Variants in GREB1 observed in about 807,000 individuals in gnomAD.
The protein encoded by GREB1 is growth regulating estrogen receptor binding 1, also known as protein GREB1.
Under a neutral mutation model 200.7 loss-of-function variants are expected in GREB1, and 106 were observed. The ratio of observed to expected loss-of-function variants is 0.53; its 90% CI spans 0.45 to 0.62. GREB1 has a LOEUF of 0.62. Ranked by LOEUF, GREB1 falls within the 20% of genes least tolerant of loss-of-function variation. The pLI is 0.00. For missense variants in GREB1, 2,243 were observed against 2,556.8 expected (o/e 0.88, Z 2.65); for synonymous variants, 1,132 against 1,092.4 (o/e 1.04, Z -0.72).
chr2:11,549,862 T>C (rs1263135020), intron 1 of GREB1, among the ~76,000 whole-genome samples: 1 of 152,242 alleles, frequency 6.6e-6, no homozygotes, highest in Non-Finnish European at 1.5e-5. Flanking sequence ...TTAAGGATTT[T>C]CTCAAAAGCC....
chr2:11,503,157 A>C (rs1427426138), intron 1 of GREB1, among the ~76,000 whole-genome samples: 1 of 152,180 alleles, frequency 6.6e-6, no homozygotes, highest in Non-Finnish European at 1.5e-5. Context: ...CCCAGACAGT[A>C]AAAAGAAAGA....
In GREB1 at chr2:11,633,379, G is replaced by A. The variant is rs1312382957; in HGVS notation, c.4991+316G>A. ...AGATCGAGACCATCCTGGCTAACAC[G>A]GTGAAACCCTGTCTCTACTAAAAAT... On this transcript the variant is annotated intron_variant, in intron 28 of 32. Coordinates refer to ENST00000381486, the MANE Select transcript of GREB1 (RefSeq NM_014668.4). The surrounding 1 kb of genome is among the most constrained non-coding windows in gnomAD (Gnocchi z 4.1). Among the ~76,000 whole-genome samples, 16 of 152,072 alleles carry A rather than the reference G, an allele frequency of 1.1e-4. No homozygotes were observed. The highest frequency in any genetic ancestry group is 2.9e-4 in the African/African-American group (12 of 41,486).
chr2:11,639,633 C>T (rs184080553), intron 32 of GREB1, among the ~76,000 whole-genome samples: 7 of 152,380 alleles, frequency 4.6e-5, no homozygotes, highest in Non-Finnish European at 7.3e-5. Context: ...CTGACCTTCG[C>T]TTTCCTTGGT....
At chr2:11,564,438 G>A (rs1003910636) in intron 3 of GREB1, among the ~76,000 whole-genome samples, 12 of 152,174 alleles carry the variant, frequency 7.9e-5, no homozygotes, top group Admixed American at 4.6e-4. Context: ...CCCAGCTACC[G>A]GGAGGCTGAG....
chr2:11,530,676 G>C (rs1674042706), upstream of GREB1, among the ~76,000 whole-genome samples: 1 of 151,776 alleles, frequency 6.6e-6, no homozygotes, highest in African/African-American at 2.4e-5. Flanking sequence ...TTAATGGGGG[G>C]CAGGGATGGA....
At chr2:11,582,468 C>A (rs925169611) in intron 7 of GREB1, among the ~76,000 whole-genome samples, 4 of 152,224 alleles carry the variant, frequency 2.6e-5, no homozygotes, top group Admixed American at 2.6e-4. Context: ...GCCTGCGTCC[C>A]GGCTCTGGGC....
chr2:11,491,224 G>T (rs77603757), intron 1 of GREB1, among the ~76,000 whole-genome samples: 2,273 of 152,274 alleles, frequency 0.015, 61 homozygotes, highest in African/African-American at 0.052. Context: ...GTACAGCACT[G>T]TCTTAATAAT....
Position 11,598,716 on chromosome 2 carries a change from T to C in GREB1, c.2189T>C (p.Met730Thr). 1 of 1,614,190 alleles carries C rather than the reference T, an allele frequency of 6.2e-7. No individual in the cohort carries two copies. The highest frequency in any genetic ancestry group is 8.5e-7 in the Non-Finnish European group (1 of 1,180,042). ...LLELGLKKEH[M>T]TKQRVEQYVL... ...GAGCTTGGTCTGAAGAAAGAGCACA[T>C]GACGAAGCAGAGGGTGGAACAGTAT... is the stretch of plus-strand genomic sequence containing the variant. The change falls in exon 15 of 33, where the codon ATG becomes ACG. Residue 730 changes from methionine to threonine, a missense_variant. Transcript: ENST00000381486.
chr2:11,532,743 C>T (rs555591770), upstream of GREB1, among the ~76,000 whole-genome samples: 55 of 152,226 alleles, frequency 3.6e-4, no homozygotes, highest in Non-Finnish European at 6.2e-4. Context: ...TGTGCTTGTC[C>T]CCACTAGCGC....
chr2:11,611,083 G>A, intron 18 of GREB1, 56 bp downstream of exon 18: 3 of 1,397,858 alleles, frequency 2.1e-6, no homozygotes, highest in Non-Finnish European at 1.9e-6. Flanking sequence ...GGAGAGCTGA[G>A]GGGCCCACCA....
chr2:11,536,717 GCT>G (rs1034491276), intron 1 of GREB1, among the ~76,000 whole-genome samples: 1 of 152,180 alleles, frequency 6.6e-6, no homozygotes, highest in African/African-American at 2.4e-5. Flanking sequence ...CTGGAGGTGA[GCT>G]CTCTCCTCTT....
At chr2:11,570,396 T>C (rs1439398831) in intron 4 of GREB1, among the ~76,000 whole-genome samples, 3 of 130,150 alleles carry the variant, frequency 2.3e-5, no homozygotes, top group Non-Finnish European at 4.5e-5. Flanking sequence ...AGAGTGAAAC[T>C]CCATTAAAAA....
chr2:11,638,009 C>T (rs998821735), intron 31 of GREB1, 93 bp downstream of exon 31: 3 of 1,096,718 alleles, frequency 2.7e-6, no homozygotes, highest in African/African-American at 1.5e-5. Context: ...CCTAAGTCCT[C>T]AACTCCTTCG....
intron 1 of GREB1, among the ~76,000 whole-genome samples, chr2:11,487,459 G>A (rs147799151): frequency 3.0e-3 from 463 of 152,136 alleles, no homozygotes; most frequent in Middle Eastern, 6.8e-3. Context: ...TCTTAATTTT[G>A]TCTGCATCCC....
intron 23 of GREB1, among the ~76,000 whole-genome samples, chr2:11,624,091 A>G (rs527996156): frequency 6.6e-6 from 1 of 152,312 alleles, no homozygotes; most frequent in East Asian, 1.9e-4. Context: ...GCTAAGGTTA[A>G]CTTATTAATG....
chr2:11,596,098 C>T lies in GREB1; in HGVS notation c.1826-13C>T, dbSNP rs543987462. On this transcript the variant is annotated splice_polypyrimidine_tract_variant and intron_variant, in intron 12 of 32. Coordinates refer to ENST00000381486, the MANE Select transcript of GREB1 (RefSeq NM_014668.4). The stretch of plus-strand genomic sequence containing the variant: ...GACATCAAAAACCCATTTGTTTATT[C>T]TGTCTTGGGCAGAGGGTGACATTGA... The T allele has an allele frequency of 6.8e-6, 11 of 1,608,486 alleles. No individual in the cohort carries two copies. The East Asian group carries it at 2.5e-4, about 36-fold the overall frequency.
chr2:11,536,031 C>A (rs752806788), intron 1 of GREB1, among the ~76,000 whole-genome samples: 1 of 152,228 alleles, frequency 6.6e-6, no homozygotes, highest in African/African-American at 2.4e-5. Context: ...GTTCTCTGCT[C>A]TCCTGGGGAT....
At chr2:11,533,531 ACT>A (rs1255230704), upstream of GREB1, among the ~76,000 whole-genome samples, 2 of 152,142 alleles carry the variant, frequency 1.3e-5, no homozygotes, top group Non-Finnish European at 2.9e-5. Context: ...CGTCCCTGAG[ACT>A]CTGTAAACAG....
In GREB1 at chr2:11,640,586, C is replaced by A; in HGVS notation, c.*132C>A. Reference sequence around the variant, plus strand: ...AGGGACTGTCCAGGTGCAGCCCCTCCTAGTACACATGGGCCCCCGAGGCCG... The same window carrying A: ...AGGGACTGTCCAGGTGCAGCCCCTCATAGTACACATGGGCCCCCGAGGCCG... On this transcript the variant is annotated 3_prime_UTR_variant, in exon 33 of 33. Transcript: ENST00000381486. This position sits in a 1 kb window ranked among gnomAD's most constrained non-coding sequence, Gnocchi z 4.6. The A allele has an allele frequency of 9.8e-7, 1 of 1,019,826 alleles. No homozygotes were observed. Among genetic ancestry groups the A allele is most frequent in the Non-Finnish European group, 1.5e-6 (1 of 685,324 alleles). The allele number at this position is 1,019,826 out of a possible 1,614,324, so 63.2% of individuals were successfully genotyped here.
Sources: allele counts gnomAD v4.1 joint callset (sites outside exome capture counted in the v4.1 genomes callset), GRCh38; gene constraint gnomAD v4.1.1; non-coding constraint Gnocchi (gnomAD v3.1); transcripts MANE v1.5; gene names NCBI Gene and HGNC (gene_info 2026-07-23, HGNC 2026-07-21).